Variants in CRPPA observed in about 807,000 individuals in gnomAD.
CRPPA encodes the protein CDP-L-ribitol pyrophosphorylase A.
A neutral mutation model predicts 52.0 loss-of-function variants in CRPPA; 43 were observed. That is an observed-to-expected ratio of 0.83 (90% CI 0.65 to 1.07). The LOEUF is 1.07. Ranked by LOEUF, CRPPA falls within the 50% of genes least tolerant of loss-of-function variation. CRPPA has a pLI of 0.00. For synonymous variants in CRPPA, 250 were observed against 203.5 expected, an observed-to-expected ratio of 1.23 and a Z score of -1.94; for missense variants, 629 against 551.7, an observed-to-expected ratio of 1.14 and a Z score of -1.40.
At chr7:16,116,050 G>C (rs183108931) in intron 9 of CRPPA, among the ~76,000 whole-genome samples, 100 of 152,240 alleles carry the variant, frequency 6.6e-4, no homozygotes, top group Middle Eastern at 6.8e-3. Flanking sequence ...AAATTATCGT[G>C]TAATGGTATG....
chr7:16,157,137 T>C (rs182670751), intron 9 of CRPPA, among the ~76,000 whole-genome samples: 24 of 152,216 alleles, frequency 1.6e-4, no homozygotes, highest in Admixed American at 9.8e-4. Context: ...AAATATTTAT[T>C]GTGTTTTTGA....
At chr7:16,232,694 A>G (rs1054475927) in intron 8 of CRPPA, among the ~76,000 whole-genome samples, 1 of 151,654 alleles carries the variant, frequency 6.6e-6, no homozygotes, top group African/African-American at 2.4e-5. Context: ...TCCTGCTGAA[A>G]GATCAAAAAA....
intron 7 of CRPPA, 52 bp downstream of exon 7, chr7:16,258,868 T>G (rs991316967): frequency 8.9e-7 from 1 of 1,117,496 alleles, no homozygotes; most frequent in Non-Finnish European, 1.3e-6. Context: ...ATTAGTTCTC[T>G]TCCACATTTG....
chr7:16,359,494 C>G (rs1292408418), intron 3 of CRPPA, among the ~76,000 whole-genome samples: 2 of 152,188 alleles, frequency 1.3e-5, no homozygotes, highest in Non-Finnish European at 2.9e-5. Flanking sequence ...TTTTAACTGT[C>G]TGTTATGTCT....
chr7:16,330,887 C>A (rs575227773), intron 3 of CRPPA, among the ~76,000 whole-genome samples: 1 of 152,304 alleles, frequency 6.6e-6, no homozygotes, highest in South Asian at 2.1e-4. Context: ...TCCAAACACC[C>A]AGCCCTCCAT....
At chr7:16,318,540 G>A (rs1785194684) in intron 3 of CRPPA, among the ~76,000 whole-genome samples, 1 of 152,078 alleles carries the variant, frequency 6.6e-6, no homozygotes, top group South Asian at 2.1e-4. Flanking sequence ...GTGGCATGTA[G>A]CAATAAATTT....
intron 1 of CRPPA, among the ~76,000 whole-genome samples, chr7:16,415,749 C>T (rs1788177943): frequency 6.6e-6 from 1 of 152,156 alleles, no homozygotes; most frequent in Admixed American, 6.5e-5. Flanking sequence ...GCTGCACTTC[C>T]TCTCATTCTC....
chr7:16,274,595 TATTAA>T (rs1784164290), intron 6 of CRPPA, among the ~76,000 whole-genome samples: 1 of 152,144 alleles, frequency 6.6e-6, no homozygotes, highest in Non-Finnish European at 1.5e-5. Flanking sequence ...AAAAGGAAGA[TATTAA>T]ATTAAGAAAT....
intron 9 of CRPPA, among the ~76,000 whole-genome samples, chr7:16,112,530 T>C (rs1451235299): frequency 6.6e-6 from 1 of 152,114 alleles, no homozygotes; most frequent in East Asian, 1.9e-4. Flanking sequence ...ACAGATTGCT[T>C]TTAACAGACA....
At chr7:16,119,456 C>G (rs1404799940) in intron 9 of CRPPA, among the ~76,000 whole-genome samples, 2 of 151,188 alleles carry the variant, frequency 1.3e-5, no homozygotes, top group Admixed American at 1.3e-4. Flanking sequence ...AAAAAGAAAG[C>G]AAAAAATAAG....
At chr7:16,119,766 A>C (rs951610891) in intron 9 of CRPPA, among the ~76,000 whole-genome samples, 5 of 152,216 alleles carry the variant, frequency 3.3e-5, no homozygotes, top group African/African-American at 1.2e-4. Flanking sequence ...AGTTTAATTC[A>C]CCAGAGGCCG....
At chr7:16,175,948 G>C (rs1245410768) in intron 9 of CRPPA, among the ~76,000 whole-genome samples, 1 of 151,982 alleles carries the variant, frequency 6.6e-6, no homozygotes, top group Non-Finnish European at 1.5e-5. Flanking sequence ...GAAATATTTA[G>C]GAGTCATGAA....
At chr7:16,188,219 C>T (rs1250315747) in intron 9 of CRPPA, among the ~76,000 whole-genome samples, 2 of 151,838 alleles carry the variant, frequency 1.3e-5, no homozygotes, top group African/African-American at 4.8e-5. Flanking sequence ...TTCCTGACCT[C>T]ATGATCCACC....
intron 5 of CRPPA, among the ~76,000 whole-genome samples, chr7:16,289,463 T>C (rs4719463): frequency 0.98 from 149,690 of 152,294 alleles, 73,584 homozygotes; most frequent in East Asian, 1. Flanking sequence ...TCTAGCAGCA[T>C]ATCAAAAGAT....
intron 9 of CRPPA, among the ~76,000 whole-genome samples, chr7:16,186,810 G>T (rs200746319): frequency 6.6e-5 from 5 of 76,186 alleles, no homozygotes; most frequent in African/African-American, 2.1e-4. Context: ...AGATATAACA[G>T]AGCAAAATCT....
chr7:16,111,482 A>T (rs1488647425), intron 9 of CRPPA, among the ~76,000 whole-genome samples: 1 of 152,228 alleles, frequency 6.6e-6, no homozygotes, highest in Non-Finnish European at 1.5e-5. Context: ...TCCCATGGTC[A>T]TTGCAGCACT....
chr7:16,166,970 C>T (rs1188573958), intron 9 of CRPPA, among the ~76,000 whole-genome samples: 1 of 151,118 alleles, frequency 6.6e-6, no homozygotes, highest in Non-Finnish European at 1.5e-5. Flanking sequence ...GTGCTTTCGC[C>T]CAGGCTGGAG....
At chr7:16,237,013 C>A (rs1010154136) in intron 8 of CRPPA, among the ~76,000 whole-genome samples, 1 of 151,688 alleles carries the variant, frequency 6.6e-6, no homozygotes, top group Non-Finnish European at 1.5e-5. Flanking sequence ...TTATACTTTG[C>A]CAAAAAATCT....
chr7:16,324,550 C>T (rs1367923074), intron 3 of CRPPA, among the ~76,000 whole-genome samples: 1 of 152,182 alleles, frequency 6.6e-6, no homozygotes, highest in Non-Finnish European at 1.5e-5. Context: ...GCAGTTAGAC[C>T]TCAGCAACAA....
Sources: allele counts gnomAD v4.1 joint callset (sites outside exome capture counted in the v4.1 genomes callset), GRCh38; gene constraint gnomAD v4.1.1; transcripts MANE v1.5; gene names NCBI Gene and HGNC (gene_info 2026-07-23, HGNC 2026-07-21).